DKK3: variants seen among roughly 807,000 people sequenced by gnomAD.
DKK3 encodes the protein dickkopf-related protein 3.
DKK3 carries 22 observed loss-of-function variants against 33.2 expected under a neutral mutation model. The observed-to-expected ratio is 0.66, with a 90% confidence interval of 0.47 to 0.95. The LOEUF is 0.95. Ranked by LOEUF, DKK3 falls within the 40% of genes least tolerant of loss-of-function variation. The pLI, the probability that DKK3 is intolerant of heterozygous loss-of-function variation, is 0.00. For missense variants in DKK3, 398 were observed against 458.4 expected, an observed-to-expected ratio of 0.87 and a Z score of 1.20; for synonymous variants, 194 against 188.8, an observed-to-expected ratio of 1.03 and a Z score of -0.23.
intron 3 of DKK3, among the ~76,000 whole-genome samples, chr11:11,988,794 C>G (rs1590533449): frequency 6.6e-6 from 1 of 152,330 alleles, no homozygotes; most frequent in Non-Finnish European, 1.5e-5. Context: ...GCAGCCTGAG[C>G]CTGCATACGC....
At chr11:11,994,758 C>A (rs1457942006) in intron 3 of DKK3, 1 of 152,176 alleles carries the variant, frequency 6.6e-6, no homozygotes, top group African/African-American at 2.4e-5. Flanking sequence ...GGAGAAAGCG[C>A]TTGTTCGATA....
intron 6 of DKK3, 34 bp from the exon 7 acceptor site, chr11:11,964,720 C>T (rs770613373): frequency 7.7e-5 from 123 of 1,597,048 alleles, no homozygotes; most frequent in Non-Finnish European, 1.0e-4. Flanking sequence ...AGGCTCTAAA[C>T]GTGGGAGCCT....
chr11:11,968,735 C>T (rs1266998184), intron 3 of DKK3: 1 of 444,680 alleles, frequency 2.2e-6, no homozygotes, highest in Non-Finnish European at 4.0e-6. Flanking sequence ...CACACAATCG[C>T]CATCTGTGCA....
intron 6 of DKK3, 64 bp from the exon 7 acceptor site, chr11:11,964,750 G>T (rs756973312): frequency 1.3e-6 from 2 of 1,557,340 alleles, no homozygotes; most frequent in Non-Finnish European, 8.7e-7. Context: ...GAAAGCTAAG[G>T]CGCCCTGACT....
chr11:11,980,768 G>A (rs1346218283), intron 3 of DKK3, among the ~76,000 whole-genome samples: 2 of 152,146 alleles, frequency 1.3e-5, no homozygotes, highest in African/African-American at 4.8e-5. Context: ...GGACCAACAG[G>A]TGGTTATAAG....
chr11:11,998,630 T>G (rs1848350951), intron 3 of DKK3, 66 bp downstream of exon 3: 1 of 1,443,466 alleles, frequency 6.9e-7, no homozygotes, highest in East Asian at 2.3e-5. Context: ...GAGTCACCGT[T>G]GGCAAACTGA....
intron 3 of DKK3, among the ~76,000 whole-genome samples, chr11:11,982,559 A>G (rs2135043351): frequency 6.6e-6 from 1 of 152,284 alleles, no homozygotes; most frequent in African/African-American, 2.4e-5. Context: ...TTTTTGGGAC[A>G]CACCAGAATT....
chr11:11,991,770 A>T (rs886200885), intron 3 of DKK3, among the ~76,000 whole-genome samples: 1 of 152,120 alleles, frequency 6.6e-6, no homozygotes, highest in Non-Finnish European at 1.5e-5. Context: ...TTCTTTGTAA[A>T]TTACCCAGGC....
chr11:12,002,219 G>GAAA, intron 2 of DKK3, 81 bp downstream of exon 2: 7 of 1,401,110 alleles, frequency 5.0e-6, no homozygotes, highest in East Asian at 4.8e-5. Flanking sequence ...TATCACATAT[G>GAAA]AAAAAACAAA....
chr11:11,963,760 G>C lies in DKK3; in HGVS notation c.*704C>G, dbSNP rs1207580472. ...AGTCACAACCAGATGAAACTGCTCT[G>C]GTCTTCACTAGCTGTGTGACTTGGG... On this transcript the variant is annotated 3_prime_UTR_variant, in exon 7 of 7. Transcript: ENST00000683431. 2 of 152,512 alleles carry C rather than the reference G, an allele frequency of 1.3e-5. No homozygotes were observed. The highest frequency in any genetic ancestry group is 6.5e-5 in the Admixed American group (1 of 15,280). 9.4% of individuals were successfully genotyped at this position (152,512 alleles called of 1,614,324 possible).
intron 3 of DKK3, among the ~76,000 whole-genome samples, chr11:11,972,930 C>G (rs1278747623): frequency 6.6e-6 from 1 of 151,730 alleles, no homozygotes; most frequent in East Asian, 1.9e-4. Context: ...GGCTGAGAAG[C>G]TGAGATCAGA....
rs1435374554 is a variant in DKK3, at chr11:11,968,507, G to A, written c.436-20C>T. On this transcript the variant is annotated intron_variant, in intron 3 of 6. Coordinates refer to ENST00000683431, the MANE Select transcript of DKK3 (RefSeq NM_001018057.2). ...GCACTCCTGGGGAAGGGCACAGGGA[G>A]CAGATGTGTCAATGGAGAGCAGAGC... 1 of 1,609,338 alleles carries A rather than the reference G, an allele frequency of 6.2e-7. No homozygotes were observed. Among genetic ancestry groups the A allele is most frequent in the Admixed American group, 1.7e-5 (1 of 59,700 alleles).
intron 2 of DKK3, 116 bp downstream of exon 2, chr11:12,002,184 T>C: frequency 8.9e-7 from 1 of 1,121,104 alleles, no homozygotes; most frequent in Non-Finnish European, 1.2e-6. Flanking sequence ...TATTTTATGA[T>C]TCTCAATTGT....
At chr11:12,000,954 C>T (rs1341695110) in intron 2 of DKK3, among the ~76,000 whole-genome samples, 1 of 152,176 alleles carries the variant, frequency 6.6e-6, no homozygotes, top group East Asian at 1.9e-4. Context: ...CTTTCATATA[C>T]TTTAGGTCAT....
At chr11:12,002,679 G>T (rs900510480) in intron 1 of DKK3, among the ~76,000 whole-genome samples, 3 of 152,010 alleles carry the variant, frequency 2.0e-5, no homozygotes, top group Non-Finnish European at 4.4e-5. Flanking sequence ...TTACAAATAG[G>T]GAAACTGAGG....
chr11:11,996,674 G>A (rs116973675), intron 3 of DKK3, among the ~76,000 whole-genome samples: 3,706 of 152,300 alleles, frequency 0.024, 59 homozygotes, highest in South Asian at 0.045. Flanking sequence ...CTCATATCCT[G>A]AGGGTCTGAG....
At chr11:11,976,131 C>T (rs1433278299) in intron 3 of DKK3, among the ~76,000 whole-genome samples, 1 of 152,194 alleles carries the variant, frequency 6.6e-6, no homozygotes, top group East Asian at 1.9e-4. Context: ...GCCAATGGGT[C>T]TTGTTTGTTA....
intron 3 of DKK3, among the ~76,000 whole-genome samples, chr11:11,973,708 G>A (rs1382121899): frequency 3.9e-5 from 6 of 152,244 alleles, no homozygotes; most frequent in Non-Finnish European, 7.3e-5. Flanking sequence ...CATAGATTTG[G>A]CAGGAATGTC....
intron 3 of DKK3, 181 bp downstream of exon 3, chr11:11,998,515 A>C (rs924275406): frequency 1.5e-6 from 1 of 668,692 alleles, no homozygotes; most frequent in African/African-American, 1.8e-5. Context: ...TGGAGGCGTA[A>C]CCTATTACTG....
Sources: gnomAD v4.1 joint callset for allele counts (sites outside exome capture counted in the v4.1 genomes callset) on GRCh38, gnomAD v4.1.1 for gene constraint, MANE v1.5 for transcripts, NCBI Gene and HGNC (gene_info 2026-07-23, HGNC 2026-07-21) for gene names.